Variants in CBLB observed in about 807,000 individuals in gnomAD.
CBLB encodes Cbl proto-oncogene B.
CBLB carries 31 observed loss-of-function variants against 104.9 expected under a neutral mutation model. That is an observed-to-expected ratio of 0.30 (90% CI 0.22 to 0.40). The LOEUF (loss-of-function observed/expected upper bound fraction) is 0.40. CBLB is among the 10% of genes least tolerant of loss of function. CBLB has a pLI of 1.00. For synonymous variants in CBLB, 440 were observed against 422.6 expected (o/e 1.04, Z -0.51); for missense variants, 1,062 against 1,214.6 (o/e 0.87, Z 1.87).
chr3:105,719,806 G>C (rs1419535049), intron 10 of CBLB, among the ~76,000 whole-genome samples: 1 of 152,142 alleles, frequency 6.6e-6, no homozygotes, highest in African/African-American at 2.4e-5. Context: ...AGAAGGCGTT[G>C]TTATCATAGG....
At chr3:105,765,834 C>T (rs1259595319) in intron 4 of CBLB, among the ~76,000 whole-genome samples, 3 of 152,196 alleles carry the variant, frequency 2.0e-5, no homozygotes, top group Non-Finnish European at 4.4e-5. Context: ...GTTTTCATGT[C>T]TTCTAACACA....
intron 3 of CBLB, among the ~76,000 whole-genome samples, chr3:105,783,518 A>G (rs1353899638): frequency 7.2e-5 from 11 of 152,308 alleles, no homozygotes; most frequent in African/African-American, 2.6e-4. Flanking sequence ...TATTTGATAC[A>G]GTCATTTAGT....
In CBLB at chr3:105,777,489, G is replaced by A. The variant is rs142176181; in HGVS notation, c.420-947C>T. 1.4e-3 allele frequency among the ~76,000 whole-genome samples: 215 copies of A among 152,260 alleles called. 2 individuals are homozygous for A. The highest frequency in any genetic ancestry group is 3.9e-3 in the African/African-American group (160 of 41,522). Reference sequence around the variant, plus strand: ...CATCTCTACAAAAAATAAGCAGGGCGTGGGAGCGCATGCCTATAGCCCCAG... The same window carrying A: ...CATCTCTACAAAAAATAAGCAGGGCATGGGAGCGCATGCCTATAGCCCCAG... On this transcript the variant is annotated intron_variant, in intron 3 of 18. Transcript: ENST00000394030.
chr3:105,717,096 T>C (rs2072006712), intron 10 of CBLB, among the ~76,000 whole-genome samples: 1 of 152,140 alleles, frequency 6.6e-6, no homozygotes. Context: ...CTTAATTCAA[T>C]GGAAAGCAGG....
intron 3 of CBLB, among the ~76,000 whole-genome samples, chr3:105,782,674 C>A (rs1405430503): frequency 1.3e-5 from 2 of 151,340 alleles, no homozygotes; most frequent in Non-Finnish European, 2.9e-5. Flanking sequence ...GCAACCTCCA[C>A]CTCATGGGTT....
rs1024729795 is a variant in CBLB, at chr3:105,756,008, T to C, written c.567-4390A>G. ...AATGTTAAACTATAATGTCTGGAGATGCCACAAATTTAATAACTGGCTTGT... is the reference window on the plus strand; with the variant it reads ...AATGTTAAACTATAATGTCTGGAGACGCCACAAATTTAATAACTGGCTTGT... On this transcript the variant is annotated intron_variant, in intron 4 of 18. Transcript: ENST00000394030. Among the ~76,000 whole-genome samples the C allele has an allele frequency of 2.6e-5, 4 of 152,226 alleles. No homozygotes were observed. The East Asian group carries it at 7.7e-4, about 29-fold the overall frequency.
chr3:105,693,725 G>A, intron 12 of CBLB, 137 bp from the exon 13 acceptor site: 1 of 682,714 alleles, frequency 1.5e-6, no homozygotes, highest in Non-Finnish European at 2.7e-6. Context: ...AATTTATTCA[G>A]GAGTCAGTAG....
rs187266741 is a variant in CBLB, at chr3:105,738,447, G to A, written c.984-1189C>T. Among the ~76,000 whole-genome samples, 16 of 151,978 alleles carry A rather than the reference G, an allele frequency of 1.1e-4. No individual in the cohort carries two copies. In the East Asian group the frequency reaches 3.1e-3, roughly 29 times the overall value. On this transcript the variant is annotated intron_variant, in intron 7 of 18. Coordinates refer to ENST00000394030, the MANE Select transcript of CBLB (RefSeq NM_170662.5). Reference sequence around the variant, plus strand: ...TCCTTATGGGTGTGTTACAAAATTTGACAAACATTAAATGAGGAATGATAA... The same window carrying A: ...TCCTTATGGGTGTGTTACAAAATTTAACAAACATTAAATGAGGAATGATAA...
intron 9 of CBLB, 70 bp downstream of exon 9, chr3:105,733,939 T>C (rs930902883): frequency 4.1e-6 from 6 of 1,446,676 alleles, no homozygotes; most frequent in Non-Finnish European, 5.8e-6. Flanking sequence ...TCCTAAACCA[T>C]TAAGAAAACT....
At chr3:105,844,302 C>T (rs573074719) in intron 3 of CBLB, among the ~76,000 whole-genome samples, 1 of 152,248 alleles carries the variant, frequency 6.6e-6, no homozygotes, top group South Asian at 2.1e-4. Flanking sequence ...TTTAAGCCAC[C>T]CAGTATGTGG....
At chr3:105,695,644 ACTGTTT>A (rs2068272396) in intron 12 of CBLB, among the ~76,000 whole-genome samples, 1 of 151,874 alleles carries the variant, frequency 6.6e-6, no homozygotes, top group South Asian at 2.1e-4. Context: ...ACTTTTTCTA[ACTGTTT>A]CAGAAATACC....
chr3:105,714,874 A>T (rs2071626149), intron 10 of CBLB, among the ~76,000 whole-genome samples: 1 of 152,246 alleles, frequency 6.6e-6, no homozygotes, highest in African/African-American at 2.4e-5. Flanking sequence ...ATAAAAAAGA[A>T]TAACTTCCTT....
At chr3:105,781,662 T>G (rs1194485901) in intron 3 of CBLB, among the ~76,000 whole-genome samples, 1 of 151,886 alleles carries the variant, frequency 6.6e-6, no homozygotes, top group East Asian at 1.9e-4. Context: ...AGTCCTTGAG[T>G]TTTTTCTATT....
At chr3:105,839,553 T>C (rs975590325) in intron 3 of CBLB, 5 of 152,236 alleles carry the variant, frequency 3.3e-5, no homozygotes, top group South Asian at 2.1e-4. Flanking sequence ...AAGACTGTTA[T>C]GAAAATGATA....
chr3:105,829,200 TC>T (rs1160376186), intron 3 of CBLB, among the ~76,000 whole-genome samples: 1 of 152,158 alleles, frequency 6.6e-6, no homozygotes, highest in African/African-American at 2.4e-5. Context: ...AAAATATGCC[TC>T]CTTTTAGGAA....
chr3:105,857,115 A>C (rs1454537177), intron 2 of CBLB, among the ~76,000 whole-genome samples: 1 of 152,132 alleles, frequency 6.6e-6, no homozygotes, highest in Non-Finnish European at 1.5e-5. Context: ...CATTTCCTCT[A>C]CTAGAGAACT....
At chr3:105,822,147 T>C (rs1456447055) in intron 3 of CBLB, among the ~76,000 whole-genome samples, 1 of 152,196 alleles carries the variant, frequency 6.6e-6, no homozygotes, top group African/African-American at 2.4e-5. Context: ...TATGAACATA[T>C]ATGGTGCACA....
intron 2 of CBLB, among the ~76,000 whole-genome samples, chr3:105,856,988 T>C (rs1207754875): frequency 6.6e-6 from 1 of 152,160 alleles, no homozygotes; most frequent in Non-Finnish European, 1.5e-5. Context: ...CCAAGAATAT[T>C]GCCACCAACA....
chr3:105,815,841 T>C (rs1008732554), intron 3 of CBLB, among the ~76,000 whole-genome samples: 1 of 152,250 alleles, frequency 6.6e-6, no homozygotes, highest in Non-Finnish European at 1.5e-5. Context: ...GTGGCACATA[T>C]ACACCATGGA....
Sources: gnomAD v4.1 joint callset for allele counts (sites outside exome capture counted in the v4.1 genomes callset) on GRCh38, gnomAD v4.1.1 for gene constraint, MANE v1.5 for transcripts, NCBI Gene and HGNC (gene_info 2026-07-23, HGNC 2026-07-21) for gene names.